ARMC7: variants seen among roughly 807,000 people sequenced by gnomAD.
ARMC7 encodes the protein armadillo repeat containing 7.
A neutral mutation model predicts 14.8 loss-of-function variants in ARMC7; 9 were observed. The ratio of observed to expected loss-of-function variants is 0.61; its 90% CI spans 0.37 to 1.06. The LOEUF is 1.06. ARMC7 is among the 50% of genes least tolerant of loss of function. The probability of loss-of-function intolerance (pLI) is 0.01; values close to 1 mark genes in which losing one functional copy is unlikely to be tolerated. For synonymous variants in ARMC7, 125 were observed against 123.4 expected, an observed-to-expected ratio of 1.01 and a Z score of -0.09; for missense variants, 262 against 267.1, an observed-to-expected ratio of 0.98 and a Z score of 0.13.
At chr17:75,111,328 C>T (rs1292290200) in intron 2 of ARMC7, among the ~76,000 whole-genome samples, 1 of 151,538 alleles carries the variant, frequency 6.6e-6, no homozygotes, top group Admixed American at 6.6e-5. Context: ...CGCCTGTAAT[C>T]CCAGCTACTT....
At position 75,129,214 on chromosome 17, in the gene ARMC7, GC is replaced by G; in HGVS notation, c.*178del. ...ATGAAACGCCACTGGGAGTGAGGAA[GC>G]CAGACTCCAGAGACACGGAGAAGAT... On this transcript the variant is annotated 3_prime_UTR_variant, in exon 3 of 3. Coordinates refer to ENST00000245543, the MANE Select transcript of ARMC7 (RefSeq NM_024585.4). The G allele has an allele frequency of 1.1e-6, 1 of 892,088 alleles. No homozygotes were observed. The highest frequency in any genetic ancestry group is 1.9e-5 in the South Asian group (1 of 52,410). The allele number at this position is 892,088 out of a possible 1,614,324, so 55.3% of individuals were successfully genotyped here.
Position 75,129,244 on chromosome 17 carries a change from A to C in ARMC7, c.*206A>C. On this transcript the variant is annotated 3_prime_UTR_variant, in exon 3 of 3. Transcript: ENST00000245543. ...ACTCCAGAGACACGGAGAAGATCAA[A>C]CTGGAGCTGCGTTCATAGGCTGGCA... 1.4e-6 allele frequency: 1 copy of C among 706,616 alleles called. No homozygotes were observed. 43.8% of individuals were successfully genotyped at this position (706,616 alleles called of 1,614,324 possible).
rs142050990 is a variant in ARMC7, at chr17:75,127,893, C to T, written c.236-784C>T. ...TACAGGTGTGAGCCACTGTGCCCAGCCCATTCTAGTATTTTAACAGTTTTA... is the reference window on the plus strand; with the variant it reads ...TACAGGTGTGAGCCACTGTGCCCAGTCCATTCTAGTATTTTAACAGTTTTA... On this transcript the variant is annotated intron_variant, in intron 2 of 2. Transcript: ENST00000245543. 9.9e-4 allele frequency among the ~76,000 whole-genome samples: 151 copies of T among 152,270 alleles called. No homozygotes were observed. The Middle Eastern group carries it at 0.017, about 17-fold the overall frequency.
At position 75,129,417 on chromosome 17, in the gene ARMC7, CAG is replaced by C; in HGVS notation, c.*380_*381del. On this transcript the variant is annotated 3_prime_UTR_variant, in exon 3 of 3. Transcript: ENST00000245543. ...GAGAGCTGCCTTCGCTGCAGGAAAT[CAG>C]GGATTATCCCTTAACAGAAGTGTCT... 3.9e-6 allele frequency: 1 copy of C among 257,050 alleles called. No homozygotes were observed. The highest frequency in any genetic ancestry group is 7.4e-6 in the Non-Finnish European group (1 of 134,738). The allele number at this position is 257,050 out of a possible 1,614,324, so 15.9% of individuals were successfully genotyped here.
chr17:75,128,537 A>T (rs2145137434), intron 2 of ARMC7, 140 bp from the exon 3 acceptor site: 2 of 1,217,634 alleles, frequency 1.6e-6, no homozygotes, highest in South Asian at 3.3e-5. Context: ...TTGAGAAGGC[A>T]GGAGCCGGAA....
At chr17:75,127,438 T>A (rs946703927) in intron 2 of ARMC7, among the ~76,000 whole-genome samples, 5 of 151,996 alleles carry the variant, frequency 3.3e-5, no homozygotes, top group African/African-American at 1.2e-4. Flanking sequence ...TAGCTGGGAT[T>A]ACAAGCATGT....
intron 2 of ARMC7, among the ~76,000 whole-genome samples, chr17:75,128,408 G>GA (rs991943443): frequency 7.3e-5 from 11 of 150,808 alleles, no homozygotes; most frequent in East Asian, 5.8e-4. Flanking sequence ...TAAGAAAGGG[G>GA]AAAAAAAAAG....
At chr17:75,116,390 G>A (rs760664400) in intron 2 of ARMC7, among the ~76,000 whole-genome samples, 1 of 152,216 alleles carries the variant, frequency 6.6e-6, no homozygotes, top group Non-Finnish European at 1.5e-5. Flanking sequence ...CACTTTGGGA[G>A]GCCGAAGTGG....
chr17:75,113,572 G>A (rs2073948680), intron 2 of ARMC7, among the ~76,000 whole-genome samples: 1 of 150,792 alleles, frequency 6.6e-6, no homozygotes, highest in Non-Finnish European at 1.5e-5. Context: ...AGCCAGGATG[G>A]GCTCAATCTC....
intron 2 of ARMC7, chr17:75,114,187 TGAC>T: frequency 5.0e-6 from 2 of 400,980 alleles, no homozygotes; most frequent in Non-Finnish European, 4.4e-6. Context: ...GTCTGAACGG[TGAC>T]GGTGGCCCCT....
rs2074093708 is a variant in ARMC7, at chr17:75,130,158, G to A, written c.*1120G>A. 3.6e-6 allele frequency: 1 copy of A among 277,614 alleles called. No individual in the cohort carries two copies. Among genetic ancestry groups the A allele is most frequent in the Non-Finnish European group, 7.0e-6 (1 of 143,670 alleles). 17.2% of individuals were successfully genotyped at this position (277,614 alleles called of 1,614,324 possible). The stretch of plus-strand genomic sequence containing the variant: ...GGGGACCACTGGACTCAGAGGGGAG[G>A]GAAGGGCTCATCAGCACCCGCTCAG... On this transcript the variant is annotated 3_prime_UTR_variant, in exon 3 of 3. Transcript: ENST00000245543.
chr17:75,112,790 C>T (rs1255219876), intron 2 of ARMC7, among the ~76,000 whole-genome samples: 1 of 150,956 alleles, frequency 6.6e-6, no homozygotes, highest in East Asian at 2.0e-4. Context: ...CACTGTGTTG[C>T]CCAGACTGGT....
chr17:75,128,905 G>C lies in ARMC7; in HGVS notation c.464G>C (p.Arg155Thr), dbSNP rs1385718760. ...CGCTTCTCCCTCTCGGCCAGCGCCA[G>C]GCTCCGGAACCTGGCACAGATCTTC... ...MLRFSLSASA[R>T]LRNLAQIFLE... is the part of the protein sequence containing the mutation. Residue 155 changes from arginine to threonine, a missense_variant, in exon 3 of 3, where the codon AGG becomes ACG. Coordinates refer to ENST00000245543, the MANE Select transcript of ARMC7 (RefSeq NM_024585.4). The C allele has an allele frequency of 1.5e-5, 24 of 1,610,214 alleles. No individual in the cohort carries two copies. The highest frequency in any genetic ancestry group is 1.9e-5 in the Non-Finnish European group (23 of 1,179,842).
rs991943443 is a variant in ARMC7 at position 75,128,408 on chromosome 17, GA to G, written c.236-260del. On this transcript the variant is annotated intron_variant, in intron 2 of 2. Coordinates refer to ENST00000245543, the MANE Select transcript of ARMC7 (RefSeq NM_024585.4). ...TTAGGTTTTTACATTTAAGAAAGGG[GA>G]AAAAAAAAGCGTATCAGCCATTGAA... 2.0e-4 allele frequency among the ~76,000 whole-genome samples: 30 copies of G among 150,804 alleles called. No homozygotes were observed. In the Middle Eastern group the frequency reaches 0.01, roughly 51 times the overall value.
intron 2 of ARMC7, among the ~76,000 whole-genome samples, chr17:75,121,438 A>T (rs905932512): frequency 6.6e-6 from 1 of 152,008 alleles, no homozygotes; most frequent in Non-Finnish European, 1.5e-5. Flanking sequence ...TTTGAGATGG[A>T]GTCTCGCTCT....
chr17:75,120,071 A>G (rs1468778490), intron 2 of ARMC7, among the ~76,000 whole-genome samples: 1 of 151,882 alleles, frequency 6.6e-6, no homozygotes, highest in Non-Finnish European at 1.5e-5. Flanking sequence ...TGCCCAGCTA[A>G]TTTTTGTATT....
rs1424102357 is a variant in ARMC7, at chr17:75,109,987, C to A, written c.-302C>A. The A allele has an allele frequency of 1.2e-5, 4 of 340,854 alleles. No homozygotes were observed. The highest frequency in any genetic ancestry group is 2.2e-5 in the Non-Finnish European group (4 of 184,212). The allele number at this position is 340,854 out of a possible 1,614,324, so 21.1% of individuals were successfully genotyped here. On this transcript the variant is annotated 5_prime_UTR_variant, in exon 1 of 3. Transcript: ENST00000245543. The surrounding 1 kb of genome is among the most constrained non-coding windows in gnomAD (Gnocchi z 5.0). ...GGAGCCCGGAACCGAGCCCAGGAGC[C>A]GGGGACGGTGCGCCAGTGCCCCCTC...
At chr17:75,116,539 C>A (rs572790366) in intron 2 of ARMC7, among the ~76,000 whole-genome samples, 1 of 152,168 alleles carries the variant, frequency 6.6e-6, no homozygotes, top group Non-Finnish European at 1.5e-5. Context: ...GCAGGAGAAT[C>A]GCTTGAACCG....
chr17:75,120,094 G>T (rs1195295380), intron 2 of ARMC7, among the ~76,000 whole-genome samples: 1 of 151,982 alleles, frequency 6.6e-6, no homozygotes, highest in African/African-American at 2.4e-5. Flanking sequence ...TAGTAGAGAT[G>T]GAGTTTTGCC....
Sources: gnomAD v4.1 joint callset for allele counts (sites outside exome capture counted in the v4.1 genomes callset) on GRCh38, gnomAD v4.1.1 for gene constraint, Gnocchi (gnomAD v3.1) non-coding constraint, MANE v1.5 for transcripts, NCBI Gene and HGNC (gene_info 2026-07-23, HGNC 2026-07-21) for gene names.